Variants in IPO13 observed in about 807,000 individuals in gnomAD.
The protein encoded by IPO13 is importin 13.
In IPO13, 28 loss-of-function variants were observed where a neutral mutation model predicts 115.5. That is an observed-to-expected ratio of 0.24 (90% CI 0.18 to 0.33). IPO13 has a LOEUF of 0.33. Among genes scored for constraint, IPO13 ranks in the 10% least tolerant of loss-of-function variants. The pLI, the probability that IPO13 is intolerant of heterozygous loss-of-function variation, is 1.00. For missense variants in IPO13, 785 were observed against 1,204.6 expected, an observed-to-expected ratio of 0.65 and a Z score of 5.16; for synonymous variants, 414 against 478.9, an observed-to-expected ratio of 0.86 and a Z score of 1.77.
intron 7 of IPO13, 71 bp downstream of exon 7, chr1:43,957,620 G>A (rs2085260335): frequency 2.6e-5 from 41 of 1,565,196 alleles, no homozygotes; most frequent in Non-Finnish European, 3.6e-5. Flanking sequence ...CAGCCAGCAT[G>A]CTGGATCCTA....
Position 43,967,178 on chromosome 1 carries a change from A to G in IPO13, c.2614-137A>G. On this transcript the variant is annotated intron_variant, in intron 18 of 19. Transcript: ENST00000372343. This position sits in a 1 kb window ranked among gnomAD's most constrained non-coding sequence, Gnocchi z 6.1. ...AGTTGTTAGGATTGCTGTGGGGATC[A>G]GCTGGCTCTCAAAAAGCAGCGCTCA... The G allele has an allele frequency of 3.6e-6, 4 of 1,107,856 alleles. No individual in the cohort carries two copies. The East Asian group carries it at 9.5e-5, about 26-fold the overall frequency. The allele number at this position is 1,107,856 out of a possible 1,614,324, so 68.6% of individuals were successfully genotyped here. A position where few individuals can be genotyped will look rare whatever the true frequency, so the allele number is the denominator to read the frequency against.
In IPO13 at chr1:43,958,080, G is replaced by A; in HGVS notation, c.1644G>A (p.Val548=). Residue 548 remains valine (V), a synonymous_variant, in exon 8 of 20, where the codon GTG becomes GTA. Coordinates refer to ENST00000372343, the MANE Select transcript of IPO13 (RefSeq NM_014652.4). The surrounding 1 kb of genome is among the most constrained non-coding windows in gnomAD (Gnocchi z 6.3). ...ATCCTGAGCTGTCTGTCTCTTCTGTGTCCACCCTCAAGAAGATCTGCCGAG... is the reference window on the plus strand; with the variant it reads ...ATCCTGAGCTGTCTGTCTCTTCTGTATCCACCCTCAAGAAGATCTGCCGAG... ...LGNPELSVSS[V]STLKKICREC... is the part of the protein sequence containing the mutation. 2.5e-6 allele frequency: 4 copies of A among 1,614,068 alleles called. No individual in the cohort carries two copies. The highest frequency in any genetic ancestry group is 1.3e-5 in the African/African-American group (1 of 75,022).
chr1:43,947,550 TG>T lies in IPO13; in HGVS notation c.-47del. 2.8e-6 allele frequency: 3 copies of T among 1,070,070 alleles called. No homozygotes were observed. The highest frequency in any genetic ancestry group is 1.2e-6 in the Non-Finnish European group (1 of 825,020). The allele number at this position is 1,070,070 out of a possible 1,614,324, so 66.3% of individuals were successfully genotyped here. A position where few individuals can be genotyped will look rare whatever the true frequency, so the allele number is the denominator to read the frequency against. On this transcript the variant is annotated 5_prime_UTR_variant, in exon 1 of 20. Coordinates refer to ENST00000372343, the MANE Select transcript of IPO13 (RefSeq NM_014652.4). ...AGCAGGGGGCCAGCAGCCAAGGGGCTGGGGCAGGAGACAGATCAGGGCCCAC... is the reference window on the plus strand; with the variant it reads ...AGCAGGGGGCCAGCAGCCAAGGGGCTGGGCAGGAGACAGATCAGGGCCCAC...
At chr1:43,957,026 G>C (rs1457810822) in intron 5 of IPO13, 50 bp downstream of exon 5, 1 of 1,595,132 alleles carries the variant, frequency 6.3e-7, no homozygotes, top group Non-Finnish European at 8.5e-7. Flanking sequence ...AAATAATGAA[G>C]GCAATGAGGG....
At position 43,966,993 on chromosome 1, in the gene IPO13, C is replaced by G. The variant is rs369792831; in HGVS notation, c.2587C>G (p.Arg863Gly). ...GGGAAAGGTGGTACAGGAAGACGGT[C>G]GTATGCTGCTCATAGCAGTGCTGGA... is the stretch of plus-strand genomic sequence containing the variant. ...SVGKVVQEDGRMLLIAVLEAI... is the reference protein window; with the variant it reads ...SVGKVVQEDGGMLLIAVLEAI... The change falls in exon 18 of 20, where the codon CGT (arginine) becomes GGT (glycine). Residue 863 changes from arginine to glycine, a missense_variant. Physicochemically the swap from Arg to Gly is moderately radical, Grantham distance 125 (BLOSUM62 -2). Transcript: ENST00000372343. The surrounding 1 kb of genome is among the most constrained non-coding windows in gnomAD (Gnocchi z 4.1). 1 of 1,613,520 alleles carries G rather than the reference C, an allele frequency of 6.2e-7. No individual in the cohort carries two copies. Among genetic ancestry groups the G allele is most frequent in the Non-Finnish European group, 8.5e-7 (1 of 1,179,986 alleles).
chr1:43,960,182 C>T, intron 11 of IPO13, 67 bp from the exon 12 acceptor site: 2 of 1,493,544 alleles, frequency 1.3e-6, no homozygotes, highest in Non-Finnish European at 1.9e-6. Flanking sequence ...TCCCTGCCAC[C>T]AAGTCCTCCT....
At position 43,960,832 on chromosome 1, in the gene IPO13, C is replaced by G. The variant is rs1196140900; in HGVS notation, c.2110-44C>G. ...TGCAGGGCTTCAGCGCTGTTCCAGCCAGTCATGACCTGCTGACCAGGGCCC... is the reference window on the plus strand; with the variant it reads ...TGCAGGGCTTCAGCGCTGTTCCAGCGAGTCATGACCTGCTGACCAGGGCCC... On this transcript the variant is annotated intron_variant, in intron 12 of 19. Transcript: ENST00000372343. 4 of 1,610,068 alleles carry G rather than the reference C, an allele frequency of 2.5e-6. No individual in the cohort carries two copies. The African/African-American group carries it at 5.3e-5, about 21-fold the overall frequency.
intron 2 of IPO13, among the ~76,000 whole-genome samples, chr1:43,953,874 T>C (rs2486014): frequency 0.096 from 14,624 of 152,244 alleles, 881 homozygotes; most frequent in South Asian, 0.2. Context: ...GAAATTCTGG[T>C]TGGGCCCTGA....
Position 43,947,757 on chromosome 1 carries a change from C to T in IPO13, c.84+73C>T, listed in dbSNP as rs200331946. 91 of 908,754 alleles carry T rather than the reference C, an allele frequency of 1.0e-4. No homozygotes were observed. The East Asian group carries it at 2.9e-3, about 29-fold the overall frequency. 56.3% of individuals were successfully genotyped at this position (908,754 alleles called of 1,614,324 possible). Reference sequence around the variant, plus strand: ...GGGGACTGTCACTGATGGCAGAGCTCAGGCCTGGGCTGGGTGCCCGCTGGT... The same window carrying T: ...GGGGACTGTCACTGATGGCAGAGCTTAGGCCTGGGCTGGGTGCCCGCTGGT... On this transcript the variant is annotated intron_variant, in intron 1 of 19. Coordinates refer to ENST00000372343, the MANE Select transcript of IPO13 (RefSeq NM_014652.4).
Position 43,958,020 on chromosome 1 carries a change from CAG to C in IPO13, c.1585_1586del (p.Ser529CysfsTer13). Reference protein sequence around the residue: ...WLADHPVMINSVLPLVLHALG... With the variant: ...WLADHPVMINXVLPLVLHALG... ...TGGCTGACCACCCCGTCATGATCAA[CAG>C]TGTTCTGCCCTTGGTACTGCATGCC... is the stretch of plus-strand genomic sequence containing the variant. On this transcript the variant is annotated frameshift_variant, in exon 8 of 20. Coordinates refer to ENST00000372343, the MANE Select transcript of IPO13 (RefSeq NM_014652.4). LOFTEE classifies it high-confidence loss of function. The surrounding 1 kb of genome is among the most constrained non-coding windows in gnomAD (Gnocchi z 6.3). The C allele has an allele frequency of 6.2e-7, 1 of 1,614,202 alleles. No homozygotes were observed. Among genetic ancestry groups the C allele is most frequent in the Non-Finnish European group, 8.5e-7 (1 of 1,180,030 alleles).
chr1:43,960,826 T>C (rs1571769744), intron 12 of IPO13, 50 bp from the exon 13 acceptor site: 1 of 1,608,752 alleles, frequency 6.2e-7, no homozygotes, highest in Non-Finnish European at 8.5e-7. Context: ...TCAGCGCTGT[T>C]CCAGCCAGTC....
Position 43,966,450 on chromosome 1 carries a change from TG to T in IPO13, c.2398-122del. On this transcript the variant is annotated intron_variant, in intron 15 of 19. Transcript: ENST00000372343. This position sits in a 1 kb window ranked among gnomAD's most constrained non-coding sequence, Gnocchi z 4.1. The stretch of plus-strand genomic sequence containing the variant: ...GTGGTCCGGGTCCCCCAGAGATGGC[TG>T]GGTAGCTGGTTTTGGCAGCCTCTAC... 1.1e-6 allele frequency: 1 copy of T among 928,578 alleles called. No individual in the cohort carries two copies. The highest frequency in any genetic ancestry group is 1.7e-6 in the Non-Finnish European group (1 of 581,410). 57.5% of individuals were successfully genotyped at this position (928,578 alleles called of 1,614,324 possible).
intron 2 of IPO13, among the ~76,000 whole-genome samples, chr1:43,954,656 T>G (rs1361498142): frequency 6.6e-6 from 1 of 152,228 alleles, no homozygotes; most frequent in African/African-American, 2.4e-5. Context: ...TGAGCCAGGC[T>G]TCTCTCAGTC....
chr1:43,949,714 G>T lies in IPO13; in HGVS notation c.382G>T (p.Ala128Ser). The T allele has an allele frequency of 6.2e-7, 1 of 1,614,180 alleles. No homozygotes were observed. Among genetic ancestry groups the T allele is most frequent in the Non-Finnish European group, 8.5e-7 (1 of 1,180,000 alleles). Residue 128 changes from alanine (A) to serine (S), a missense_variant, in exon 2 of 20, where the codon GCC becomes TCC. Ala to Ser is a moderately conservative substitution (Grantham distance 99). Transcript: ENST00000372343. The stretch of plus-strand genomic sequence containing the variant: ...ACTGACTCGGCTGTGCGTGGCACTG[G>T]CCTCACTGGCTCTCAGCATGATGCC... ...IVLTRLCVAL[A>S]SLALSMMPDA...
chr1:43,955,461 T>C (rs1392357117), intron 2 of IPO13, among the ~76,000 whole-genome samples: 1 of 152,164 alleles, frequency 6.6e-6, no homozygotes, highest in Non-Finnish European at 1.5e-5. Flanking sequence ...ATCAAGGTGT[T>C]GGCAAGGCTG....
intron 12 of IPO13, 70 bp from the exon 13 acceptor site, chr1:43,960,806 G>T (rs994377655): frequency 6.3e-7 from 1 of 1,585,816 alleles, no homozygotes; most frequent in Non-Finnish European, 8.6e-7. Flanking sequence ...GGCCCCCTCT[G>T]TGCAGGGCTT....
In IPO13 at chr1:43,947,624, G is replaced by C. The variant is rs749497878; in HGVS notation, c.24G>C (p.Pro8=). The C allele has an allele frequency of 1.5e-6, 2 of 1,325,694 alleles. No homozygotes were observed. The highest frequency in any genetic ancestry group is 1.9e-6 in the Non-Finnish European group (2 of 1,029,958). 82.1% of individuals were successfully genotyped at this position (1,325,694 alleles called of 1,614,324 possible). ...AGATGGAGCGGCGGGAGGAGCAGCCGGGGGCTGCAGGGGCTGGAGCAGCAC... is the reference window on the plus strand; with the variant it reads ...AGATGGAGCGGCGGGAGGAGCAGCCCGGGGCTGCAGGGGCTGGAGCAGCAC... MERREEQ[P]GAAGAGAAPA... The change falls in exon 1 of 20, where the codon CCG becomes CCC. Residue 8 remains proline (P), a synonymous_variant. Transcript: ENST00000372343.
At position 43,952,401 on chromosome 1, in the gene IPO13, C is replaced by T. The variant is rs1298011996; in HGVS notation, c.821+2248C>T. Reference sequence around the variant, plus strand: ...GTCAGGCTGGTCTTGAACTCCTAACCTCAGGTGATCCATCTGCCTCCGCCT... The same window carrying T: ...GTCAGGCTGGTCTTGAACTCCTAACTTCAGGTGATCCATCTGCCTCCGCCT... On this transcript the variant is annotated intron_variant, in intron 2 of 19. Transcript: ENST00000372343. This position sits in a 1 kb window ranked among gnomAD's most constrained non-coding sequence, Gnocchi z 4.7. 1.3e-5 allele frequency among the ~76,000 whole-genome samples: 2 copies of T among 152,150 alleles called. No homozygotes were observed. Among genetic ancestry groups the T allele is most frequent in the African/African-American group, 2.4e-5 (1 of 41,438 alleles).
chr1:43,965,194 G>GT (rs1024677781), intron 15 of IPO13, among the ~76,000 whole-genome samples: 2 of 152,120 alleles, frequency 1.3e-5, no homozygotes, highest in Non-Finnish European at 2.9e-5. Flanking sequence ...ATGTTGGGCT[G>GT]TGGGGGTATG....
Sources: gnomAD v4.1 joint callset for allele counts (sites outside exome capture counted in the v4.1 genomes callset) on GRCh38, gnomAD v4.1.1 for gene constraint, Gnocchi (gnomAD v3.1) non-coding constraint, MANE v1.5 for transcripts, NCBI Gene and HGNC (gene_info 2026-07-23, HGNC 2026-07-21) for gene names.